CACNA1E: variants seen among roughly 807,000 people sequenced by gnomAD.
CACNA1E encodes voltage-dependent R-type calcium channel subunit alpha-1E.
In CACNA1E, 40 loss-of-function variants were observed where a neutral mutation model predicts 259.2. The observed-to-expected ratio is 0.15, with a 90% confidence interval of 0.12 to 0.20. The LOEUF is 0.20. Ranked by LOEUF, CACNA1E falls within the 10% of genes least tolerant of loss-of-function variation. The pLI is 1.00. For missense variants in CACNA1E, 1,874 were observed against 3,040.1 expected, an observed-to-expected ratio of 0.62 and a Z score of 9.02; for synonymous variants, 1,104 against 1,138.5, an observed-to-expected ratio of 0.97 and a Z score of 0.61.
intron 12 of CACNA1E, 70 bp from the exon 13 acceptor site, chr1:181,719,681 G>T: frequency 1.3e-6 from 1 of 758,654 alleles, no homozygotes; most frequent in South Asian, 1.8e-5. Context: ...TTGATGGTGT[G>T]CTGGGCGCTA....
At chr1:181,649,910 T>C (rs1220978445) in intron 6 of CACNA1E, among the ~76,000 whole-genome samples, 1 of 152,200 alleles carries the variant, frequency 6.6e-6, no homozygotes, top group Non-Finnish European at 1.5e-5. Flanking sequence ...GGTACTAGGC[T>C]TAATACCTGG....
At chr1:181,755,927 G>A in intron 28 of CACNA1E, 29 bp from the exon 29 acceptor site, 2 of 1,606,420 alleles carry the variant, frequency 1.2e-6, no homozygotes, top group Non-Finnish European at 1.7e-6. Flanking sequence ...TAGTGAGGAG[G>A]CTCTCTTTCA....
At chr1:181,636,401 A>G (rs535435312) in intron 6 of CACNA1E, among the ~76,000 whole-genome samples, 2 of 152,348 alleles carry the variant, frequency 1.3e-5, no homozygotes, top group Admixed American at 6.5e-5. Flanking sequence ...CAAAACATAT[A>G]TAGTAATTAC....
intron 1 of CACNA1E, among the ~76,000 whole-genome samples, chr1:181,338,878 T>G (rs1651927141): frequency 1.3e-5 from 2 of 152,154 alleles, no homozygotes; most frequent in Admixed American, 6.5e-5. Context: ...TTTTTTTGCC[T>G]GTGGATATAC....
chr1:181,767,752 T>C (rs1292117466), intron 35 of CACNA1E, among the ~76,000 whole-genome samples: 2 of 152,250 alleles, frequency 1.3e-5, no homozygotes, highest in East Asian at 3.8e-4. Context: ...GGGTTCTCCT[T>C]CACTGAGGAT....
chr1:181,493,291 C>T (rs113959450), intron 1 of CACNA1E, among the ~76,000 whole-genome samples: 7 of 152,284 alleles, frequency 4.6e-5, no homozygotes, highest in Non-Finnish European at 8.8e-5. Flanking sequence ...TGAGCAAGTA[C>T]GACAGGAACT....
chr1:181,481,368 ACACT>A (rs1413825065), upstream of CACNA1E, among the ~76,000 whole-genome samples: 821 of 151,056 alleles, frequency 5.4e-3, 9 homozygotes, highest in African/African-American at 0.019. Context: ...ACACACACAC[ACACT>A]CTCACATACA....
intron 4 of CACNA1E, among the ~76,000 whole-genome samples, chr1:181,578,677 A>G (rs1304103984): frequency 1.3e-5 from 2 of 152,266 alleles, no homozygotes; most frequent in Non-Finnish European, 1.5e-5. Flanking sequence ...TTCTCCAACT[A>G]TAAATGTGCT....
At chr1:181,777,596 A>G (rs1462290734) in intron 38 of CACNA1E, among the ~76,000 whole-genome samples, 1 of 152,208 alleles carries the variant, frequency 6.6e-6, no homozygotes, top group East Asian at 1.9e-4. Flanking sequence ...GTGTTAGAGG[A>G]GAAGGCAGCC....
At chr1:181,550,470 CA>C (rs1035904249) in intron 3 of CACNA1E, among the ~76,000 whole-genome samples, 1 of 151,292 alleles carries the variant, frequency 6.6e-6, no homozygotes, top group African/African-American at 2.4e-5. Context: ...GAGAAGAGGG[CA>C]AGGACAGACT....
At chr1:181,350,604 A>G (rs1652971234) in intron 1 of CACNA1E, among the ~76,000 whole-genome samples, 1 of 152,148 alleles carries the variant, frequency 6.6e-6, no homozygotes, top group South Asian at 2.1e-4. Flanking sequence ...AGCATTGGTC[A>G]TGTGCTTGCA....
chr1:181,330,764 C>G lies in CACNA1E; in HGVS notation c.-15+12641C>G, dbSNP rs150497134. Among the ~76,000 whole-genome samples, 569 of 152,302 alleles carry G rather than the reference C, an allele frequency of 3.7e-3. 1 individual carries two copies. The highest frequency in any genetic ancestry group is 6.7e-3 in the Non-Finnish European group (457 of 68,030). On this transcript the variant is annotated intron_variant, in intron 1 of 11. Transcript: ENST00000524607. ...ACAGGAACAAATTTCAGACTGGGTC[C>G]TAGCTCTCCCAATTATTAGCTAAGT...
At chr1:181,430,847 C>T (rs1659665345) in intron 2 of CACNA1E, among the ~76,000 whole-genome samples, 1 of 152,166 alleles carries the variant, frequency 6.6e-6, no homozygotes, top group Non-Finnish European at 1.5e-5. Flanking sequence ...GTAGAGGGGG[C>T]ATTATCTGGA....
At chr1:181,597,526 T>C (rs567555040) in intron 6 of CACNA1E, among the ~76,000 whole-genome samples, 5 of 152,326 alleles carry the variant, frequency 3.3e-5, no homozygotes, top group Admixed American at 3.3e-4. Flanking sequence ...AAACGTACCA[T>C]CAGCATTCCT....
chr1:181,657,393 A>AAT (rs1417336564), intron 7 of CACNA1E, among the ~76,000 whole-genome samples: 1 of 152,168 alleles, frequency 6.6e-6, no homozygotes. Context: ...TTTTAAGTAT[A>AAT]ATATTTAGAA....
At chr1:181,752,360 GA>G in intron 27 of CACNA1E, 121 bp downstream of exon 27, 2 of 727,632 alleles carry the variant, frequency 2.7e-6, no homozygotes, top group South Asian at 3.4e-5. Flanking sequence ...CACGGATATC[GA>G]AGTTCTTTTC....
At chr1:181,393,853 G>A (rs1311396057) in intron 1 of CACNA1E, among the ~76,000 whole-genome samples, 1 of 152,192 alleles carries the variant, frequency 6.6e-6, no homozygotes, top group African/African-American at 2.4e-5. Context: ...TGGAAAAAAT[G>A]TTTGTAACTT....
chr1:181,720,143 CT>C (rs1654289297), intron 13 of CACNA1E, 62 bp from the exon 14 acceptor site: 1 of 1,594,396 alleles, frequency 6.3e-7, no homozygotes, highest in African/African-American at 1.3e-5. Context: ...ATATGCTGAG[CT>C]GGGCTTGGTG....
intron 6 of CACNA1E, among the ~76,000 whole-genome samples, chr1:181,630,530 G>C (rs1176910562): frequency 6.6e-6 from 1 of 152,168 alleles, no homozygotes; most frequent in African/African-American, 2.4e-5. Flanking sequence ...CCACCCAGCT[G>C]TATTGCAACA....
Sources: allele counts gnomAD v4.1 joint callset (sites outside exome capture counted in the v4.1 genomes callset), GRCh38; gene constraint gnomAD v4.1.1; transcripts MANE v1.5; gene names NCBI Gene and HGNC (gene_info 2026-07-23, HGNC 2026-07-21).